Variants in MRPL1 observed in about 807,000 individuals in gnomAD.
MRPL1 encodes large ribosomal subunit protein uL1m.
In MRPL1, 28 loss-of-function variants were observed where a neutral mutation model predicts 38.0. That is an observed-to-expected ratio of 0.74 (90% CI 0.55 to 1.01). The LOEUF is 1.01. MRPL1 is among the 50% of genes least tolerant of loss of function. The probability of loss-of-function intolerance (pLI) is 0.00; values close to 1 mark genes in which losing one functional copy is unlikely to be tolerated. For missense variants in MRPL1, 358 were observed against 389.8 expected (o/e 0.92, Z 0.69); for synonymous variants, 123 against 126.7 (o/e 0.97, Z 0.20).
chr4:77,880,549 T>C (rs1735515935), intron 2 of MRPL1, among the ~76,000 whole-genome samples: 1 of 151,418 alleles, frequency 6.6e-6, no homozygotes, highest in South Asian at 2.1e-4. Flanking sequence ...ATTTGGGAAT[T>C]AGGATATGGG....
intron 7 of MRPL1, among the ~76,000 whole-genome samples, chr4:77,938,466 T>C (rs1279092940): frequency 6.6e-6 from 1 of 152,232 alleles, no homozygotes; most frequent in African/African-American, 2.4e-5. Flanking sequence ...TGGTTCAAAT[T>C]CAGTATTTCC....
chr4:77,881,826 T>G (rs1328054805), intron 2 of MRPL1, among the ~76,000 whole-genome samples: 1 of 152,202 alleles, frequency 6.6e-6, no homozygotes, highest in East Asian at 1.9e-4. Flanking sequence ...TTCTCATATC[T>G]CTGAGAAGAA....
chr4:77,871,541 T>C (rs937723046), intron 1 of MRPL1, among the ~76,000 whole-genome samples: 3 of 152,058 alleles, frequency 2.0e-5, no homozygotes, highest in African/African-American at 7.2e-5. Flanking sequence ...CCTAACCTCG[T>C]GATTCACCCG....
At chr4:77,882,820 T>C (rs887540136) in intron 2 of MRPL1, among the ~76,000 whole-genome samples, 5 of 152,248 alleles carry the variant, frequency 3.3e-5, no homozygotes, top group Admixed American at 6.5e-5. Flanking sequence ...TGTCATATGT[T>C]TTCACTTCTT....
chr4:77,935,540 GC>G (rs1213959715), intron 7 of MRPL1, among the ~76,000 whole-genome samples: 2 of 151,932 alleles, frequency 1.3e-5, no homozygotes, highest in Non-Finnish European at 2.9e-5. Flanking sequence ...GATTACAGGT[GC>G]CCGCCATCAT....
intron 8 of MRPL1, among the ~76,000 whole-genome samples, chr4:77,951,159 G>A (rs562263115): frequency 2.8e-4 from 42 of 152,276 alleles, no homozygotes; most frequent in Non-Finnish European, 1.0e-4. Context: ...TGTGAGCCAC[G>A]GTGTCCGGCT....
At chr4:77,868,047 C>T (rs1057198065) in intron 1 of MRPL1, among the ~76,000 whole-genome samples, 5 of 151,278 alleles carry the variant, frequency 3.3e-5, no homozygotes, top group East Asian at 1.9e-4. Context: ...TGAGCCACCG[C>T]GCCTGGCCAG....
intron 5 of MRPL1, among the ~76,000 whole-genome samples, chr4:77,889,858 G>A (rs956969058): frequency 5.3e-5 from 8 of 152,138 alleles, no homozygotes; most frequent in East Asian, 1.9e-4. Context: ...ATACCTCTAC[G>A]CAAATAAACT....
chr4:77,916,081 T>G (rs1468997037), intron 7 of MRPL1, among the ~76,000 whole-genome samples: 1 of 152,166 alleles, frequency 6.6e-6, no homozygotes, highest in African/African-American at 2.4e-5. Context: ...TTCCATGACA[T>G]AGAAATGAAA....
intron 2 of MRPL1, among the ~76,000 whole-genome samples, chr4:77,880,724 T>C (rs1735518929): frequency 6.6e-6 from 1 of 152,248 alleles, no homozygotes; most frequent in Non-Finnish European, 1.5e-5. Context: ...CAAATTCTTA[T>C]CTGCCATTAC....
At chr4:77,907,032 A>G in intron 6 of MRPL1, 1 of 985,402 alleles carries the variant, frequency 1.0e-6, no homozygotes, top group Non-Finnish European at 1.2e-6. Flanking sequence ...AATCCTAGGA[A>G]TAATGTATGC....
At chr4:77,911,817 G>A (rs1049583134) in intron 7 of MRPL1, among the ~76,000 whole-genome samples, 11 of 152,074 alleles carry the variant, frequency 7.2e-5, no homozygotes, top group Admixed American at 2.0e-4. Context: ...AGTATCATTC[G>A]TGAACATAGA....
At chr4:77,883,198 C>G in intron 2 of MRPL1, 44 bp from the exon 3 acceptor site, 1 of 1,207,300 alleles carries the variant, frequency 8.3e-7, no homozygotes. Flanking sequence ...AAAAAAATCT[C>G]TTAGGATATA....
At chr4:77,895,945 A>G (rs752397056) in intron 6 of MRPL1, among the ~76,000 whole-genome samples, 3 of 152,152 alleles carry the variant, frequency 2.0e-5, no homozygotes, top group Non-Finnish European at 4.4e-5. Context: ...TATTTCTCAT[A>G]ACTTTTTTGT....
Position 77,949,777 on chromosome 4 carries a change from T to G in MRPL1, c.778-20T>G, listed in dbSNP as rs914149566. The G allele has an allele frequency of 7.0e-7, 1 of 1,435,714 alleles. No individual in the cohort carries two copies. The highest frequency in any genetic ancestry group is 1.7e-5 in the Admixed American group (1 of 57,430). 88.9% of individuals were successfully genotyped at this position (1,435,714 alleles called of 1,614,324 possible). A position where few individuals can be genotyped will look rare whatever the true frequency, so the allele number is the denominator to read the frequency against. ...TCTTGCTTTCTCATCATTAATGTTA[T>G]GTATATTATTTTCTTTCAGTTGGAT... On this transcript the variant is annotated intron_variant, in intron 7 of 8. Coordinates refer to ENST00000315567, the MANE Select transcript of MRPL1 (RefSeq NM_020236.4).
intron 4 of MRPL1, 137 bp downstream of exon 4, chr4:77,885,476 C>G: frequency 1.7e-6 from 1 of 596,814 alleles, no homozygotes; most frequent in East Asian, 3.1e-5. Context: ...AAGCGATTCT[C>G]CTGCCTCAGC....
chr4:77,929,990 T>G (rs769604378), intron 7 of MRPL1, among the ~76,000 whole-genome samples: 1 of 152,174 alleles, frequency 6.6e-6, no homozygotes, highest in African/African-American at 2.4e-5. Context: ...ACAGAATACA[T>G]GGAATAGCTA....
chr4:77,922,330 T>C (rs1237318067), intron 7 of MRPL1, among the ~76,000 whole-genome samples: 1 of 152,174 alleles, frequency 6.6e-6, no homozygotes, highest in East Asian at 1.9e-4. Context: ...GTATATCTGG[T>C]ATGGTTGAGG....
intron 7 of MRPL1, among the ~76,000 whole-genome samples, chr4:77,944,792 G>A (rs985636074): frequency 4.6e-5 from 7 of 151,956 alleles, no homozygotes; most frequent in African/African-American, 1.2e-4. Flanking sequence ...TATACAACAC[G>A]CTCACTTGTG....
Sources: gnomAD v4.1 joint callset for allele counts (sites outside exome capture counted in the v4.1 genomes callset) on GRCh38, gnomAD v4.1.1 for gene constraint, MANE v1.5 for transcripts, NCBI Gene and HGNC (gene_info 2026-07-23, HGNC 2026-07-21) for gene names.